The following MSN variants were observed in gnomAD, a reference collection of about 807,000 sequenced individuals.
MSN encodes moesin, also known as epididymis luminal protein 70.
MSN carries 2 observed loss-of-function variants against 48.0 expected under a neutral mutation model. The observed-to-expected ratio is 0.04, with a 90% CI of 0.02 to 0.13. The LOEUF (loss-of-function observed/expected upper bound fraction) is 0.13. Ranked by LOEUF, MSN falls within the 10% of genes least tolerant of loss-of-function variation. The pLI, the probability that MSN is intolerant of heterozygous loss-of-function variation, is 1.00. For missense variants in MSN, 267 were observed against 470.1 expected, an observed-to-expected ratio of 0.57 and a Z score of 3.99; for synonymous variants, 146 against 166.9, an observed-to-expected ratio of 0.87 and a Z score of 0.97.
chrX:65,656,682 A>G (rs2070783841), intron 1 of MSN, among the ~76,000 whole-genome samples: 1 of 111,827 alleles, frequency 8.9e-6, no homozygotes. Flanking sequence ...CCAAATGAGC[A>G]CTGTGAACCT....
chrX:65,700,937 T>C (rs1339160688), intron 1 of MSN, among the ~76,000 whole-genome samples: 1 of 111,610 alleles, frequency 9.0e-6, no homozygotes, highest in Admixed American at 9.5e-5. Context: ...TAGTGCAAGC[T>C]GGTTCTAGTG....
At chrX:65,618,449 T>G (rs1045710187) in intron 1 of MSN, among the ~76,000 whole-genome samples, 5 of 111,618 alleles carry the variant, frequency 4.5e-5, no homozygotes, top group African/African-American at 1.3e-4. Context: ...TTGATCCCTT[T>G]ACCATTATGT....
chrX:65,655,173 A>G (rs2070772728), intron 1 of MSN, among the ~76,000 whole-genome samples: 2 of 111,339 alleles, frequency 1.8e-5, no homozygotes, highest in Admixed American at 1.9e-4. Context: ...ATAAAGTCAG[A>G]TAATAAAGTC....
intron 8 of MSN, among the ~76,000 whole-genome samples, chrX:65,736,559 T>C (rs1189694662): frequency 9.1e-6 from 1 of 109,922 alleles, no homozygotes; most frequent in African/African-American, 3.3e-5. Context: ...CTCAGCCTCC[T>C]GAGTAGCTAG....
intron 1 of MSN, among the ~76,000 whole-genome samples, chrX:65,646,018 T>C (rs777026673): frequency 2.7e-5 from 3 of 112,250 alleles, no homozygotes; most frequent in African/African-American, 9.7e-5. Context: ...GATGCTCAAT[T>C]TGTATAATGC....
At chrX:65,628,533 G>A (rs766330582) in intron 1 of MSN, among the ~76,000 whole-genome samples, 126 of 111,317 alleles carry the variant, frequency 1.1e-3, no homozygotes, top group African/African-American at 3.1e-3. Flanking sequence ...GCTGGCTCAC[G>A]AAACCACTTT....
intron 1 of MSN, among the ~76,000 whole-genome samples, chrX:65,700,541 G>A (rs1000921324): frequency 9.0e-6 from 1 of 111,442 alleles, no homozygotes; most frequent in Non-Finnish European, 1.9e-5. Flanking sequence ...GCCTTTAGCT[G>A]ATGGGGAGCC....
chrX:65,735,094 T>C (rs1414411528), intron 7 of MSN, among the ~76,000 whole-genome samples, 173 bp from the exon 8 acceptor site: 1 of 112,271 alleles, frequency 8.9e-6, no homozygotes, highest in Non-Finnish European at 1.9e-5. Context: ...GTCTGTCTAC[T>C]GTCTAACCCT....
chrX:65,661,563 T>C (rs1022058318), intron 1 of MSN, among the ~76,000 whole-genome samples: 2 of 112,244 alleles, frequency 1.8e-5, no homozygotes, highest in African/African-American at 6.5e-5. Flanking sequence ...GATATTGGCC[T>C]GAAGTTTTCT....
intron 1 of MSN, among the ~76,000 whole-genome samples, chrX:65,647,743 G>A (rs1463627654): frequency 1.8e-5 from 2 of 111,937 alleles, no homozygotes; most frequent in African/African-American, 6.5e-5. Context: ...AAAATGGCTA[G>A]TGTGGCTGGA....
chrX:65,636,882 C>A (rs1366552716), intron 1 of MSN, among the ~76,000 whole-genome samples: 1 of 88,842 alleles, frequency 1.1e-5, no homozygotes, highest in African/African-American at 4.3e-5. Flanking sequence ...GAGATCAAGA[C>A]CATCCTGGCT....
intron 2 of MSN, among the ~76,000 whole-genome samples, chrX:65,718,682 G>A (rs147792553): frequency 0.01 from 1,144 of 109,948 alleles, 14 homozygotes; most frequent in African/African-American, 0.036. Context: ...GCATGGCATG[G>A]TGGTGCACAC....
Position 65,716,877 on chromosome X carries a change from C to A in MSN, c.72C>A (p.Thr24=), listed in dbSNP as rs772035472. The change falls in exon 2 of 13, where the codon ACC becomes ACA. Residue 24 remains threonine (T), a synonymous_variant. Transcript: ENST00000360270. ...AELEFAIQPN[T]TGKQLFDQVV... is the part of the protein sequence containing the mutation. ...TGGAGTTTGCCATCCAGCCCAACAC[C>A]ACCGGGAAGCAGCTATTTGACCAGG... The A allele has an allele frequency of 1.7e-6, 2 of 1,207,785 alleles. No individual in the cohort carries two copies. The highest frequency in any genetic ancestry group is 3.5e-5 in the African/African-American group (2 of 56,523).
intron 1 of MSN, among the ~76,000 whole-genome samples, chrX:65,691,693 A>G (rs2071174942): frequency 9.0e-6 from 1 of 110,926 alleles, no homozygotes; most frequent in African/African-American, 3.3e-5. Context: ...TTTAGTAGAG[A>G]TGGGGTTTCA....
At chrX:65,604,928 C>G (rs868104844) in intron 1 of MSN, among the ~76,000 whole-genome samples, 1 of 111,826 alleles carries the variant, frequency 8.9e-6, no homozygotes, top group Middle Eastern at 4.6e-3. Flanking sequence ...CTCAACCCAG[C>G]ATTCAGAGTG....
chrX:65,667,194 T>A (rs1408508872), upstream of MSN, among the ~76,000 whole-genome samples: 2 of 111,764 alleles, frequency 1.8e-5, no homozygotes, highest in African/African-American at 6.5e-5. Context: ...CTGTGTGGCC[T>A]CAGGGAGCAG....
chrX:65,620,325 C>T (rs1275149256), intron 1 of MSN, among the ~76,000 whole-genome samples: 1 of 112,858 alleles, frequency 8.9e-6, no homozygotes, highest in East Asian at 2.8e-4. Flanking sequence ...CGCCCCGCAG[C>T]TCCATCTCAG....
intron 1 of MSN, among the ~76,000 whole-genome samples, chrX:65,656,257 A>T (rs1372616879): frequency 1.0e-5 from 1 of 99,097 alleles, no homozygotes; most frequent in Admixed American, 1.0e-4. Flanking sequence ...AGCTGAAAAG[A>T]TCTATGCCTG....
rs61644801 is a variant in MSN at position 65,642,350 on chromosome X, GGTGTGT to G, written c.-22+53771_-22+53776del. Among the ~76,000 whole-genome samples, 868 of 96,191 alleles carry G rather than the reference GGTGTGT, an allele frequency of 9.0e-3. 9 individuals are homozygous for G. The highest frequency in any genetic ancestry group is 0.03 in the African/African-American group (780 of 26,045). 83.5% of individuals were successfully genotyped at this position (96,191 alleles called of 115,157 possible). ...AACCAGAATGTAGAGTGTACATTAT[GGTGTGT>G]GTGTGTGTGTGTGTGTGTGTGTGTG... On this transcript the variant is annotated intron_variant, in intron 1 of 3. Transcript: ENST00000609672.
Sources: allele counts gnomAD v4.1 joint callset (sites outside exome capture counted in the v4.1 genomes callset), GRCh38; gene constraint gnomAD v4.1.1; transcripts MANE v1.5; gene names NCBI Gene and HGNC (gene_info 2026-07-23, HGNC 2026-07-21).